The following GLI2 variants were observed in gnomAD, a reference collection of about 807,000 sequenced individuals.
The protein encoded by GLI2 is transcription activator GLI2.
A neutral mutation model predicts 78.9 loss-of-function variants in GLI2; 22 were observed. The ratio of observed to expected loss-of-function variants is 0.28; its 90% CI spans 0.20 to 0.40. The LOEUF (loss-of-function observed/expected upper bound fraction) is 0.40, where lower values mean the gene tolerates loss of function less well. Ranked by LOEUF, GLI2 falls within the 10% of genes least tolerant of loss-of-function variation. The probability of loss-of-function intolerance (pLI) is 1.00; values close to 1 mark genes in which losing one functional copy is unlikely to be tolerated. For missense variants in GLI2, 2,097 were observed against 2,213.2 expected, an observed-to-expected ratio of 0.95 and a Z score of 1.05; for synonymous variants, 974 against 963.7, an observed-to-expected ratio of 1.01 and a Z score of -0.20.
At chr2:120,945,349 A>G (rs1680657656) in intron 3 of GLI2, among the ~76,000 whole-genome samples, 1 of 152,188 alleles carries the variant, frequency 6.6e-6, no homozygotes, top group Non-Finnish European at 1.5e-5. Context: ...ACTTACCCAG[A>G]GTCCCCTGCT....
intron 2 of GLI2, among the ~76,000 whole-genome samples, chr2:120,844,149 G>A (rs185651216): frequency 1.5e-4 from 23 of 152,284 alleles, no homozygotes; most frequent in African/African-American, 5.1e-4. Flanking sequence ...GTCAGCACAC[G>A]TGTCTGTTAA....
chr2:120,990,839 G>A lies in GLI2; in HGVS notation c.*164G>A. 1 of 609,570 alleles carries A rather than the reference G, an allele frequency of 1.6e-6. No homozygotes were observed. The highest frequency in any genetic ancestry group is 2.0e-5 in the South Asian group (1 of 49,692). 37.8% of individuals were successfully genotyped at this position (609,570 alleles called of 1,614,324 possible). A position where few individuals can be genotyped will look rare whatever the true frequency, so the allele number is the denominator to read the frequency against. On this transcript the variant is annotated 3_prime_UTR_variant, in exon 14 of 14. Transcript: ENST00000361492. ...CAGATGTTGTAAGAGAAGGTTTATG[G>A]GCATCCTCTCTGGTCTTTTGGATTA...
intron 1 of GLI2, among the ~76,000 whole-genome samples, chr2:120,739,071 C>T (rs971895617): frequency 3.3e-5 from 5 of 152,054 alleles, no homozygotes; most frequent in African/African-American, 9.7e-5. Flanking sequence ...TGCCTGGCTG[C>T]GGGGGTCTTG....
intron 2 of GLI2, among the ~76,000 whole-genome samples, chr2:120,901,280 C>T (rs558228157): frequency 8.5e-5 from 13 of 152,128 alleles, no homozygotes; most frequent in African/African-American, 2.7e-4. Flanking sequence ...TAAATTATGG[C>T]GGGATCTAAA....
rs957888251 is a variant in GLI2 at position 120,983,811 on chromosome 2, G to A, written c.1633-660G>A. Among the ~76,000 whole-genome samples, 13 of 152,356 alleles carry A rather than the reference G, an allele frequency of 8.5e-5. No individual in the cohort carries two copies. In the South Asian group the frequency reaches 1.2e-3, roughly 15 times the overall value. On this transcript the variant is annotated intron_variant, in intron 11 of 13. Coordinates refer to ENST00000361492, the MANE Select transcript of GLI2 (RefSeq NM_001374353.1). ...GACTTTGCTCCAATGCTTGTAAGAA[G>A]TTAGAGGAATTTTCAAAGGCATCTG...
intron 2 of GLI2, among the ~76,000 whole-genome samples, chr2:120,871,154 C>T (rs1688407700): frequency 6.6e-6 from 1 of 152,266 alleles, no homozygotes; most frequent in South Asian, 2.1e-4. Context: ...GGCTTTAACA[C>T]TGACTCAGGC....
chr2:120,869,528 G>C (rs1384482094), intron 2 of GLI2, among the ~76,000 whole-genome samples: 1 of 152,156 alleles, frequency 6.6e-6, no homozygotes, highest in African/African-American at 2.4e-5. Flanking sequence ...ATGAGCAAAA[G>C]CTACACTCTC....
intron 2 of GLI2, among the ~76,000 whole-genome samples, chr2:120,865,119 C>T (rs555737964): frequency 4.6e-5 from 7 of 152,242 alleles, no homozygotes; most frequent in South Asian, 4.1e-4. Context: ...GGGTAGTATC[C>T]GGGGCTGGGG....
chr2:120,768,831 G>A (rs1196881277), intron 1 of GLI2, among the ~76,000 whole-genome samples: 11 of 151,932 alleles, frequency 7.2e-5, no homozygotes, highest in Middle Eastern at 3.2e-3. Context: ...GTGTGTGTGC[G>A]TGTGTGTGCA....
At chr2:120,929,755 G>A (rs758869084) in intron 3 of GLI2, among the ~76,000 whole-genome samples, 4 of 152,148 alleles carry the variant, frequency 2.6e-5, no homozygotes, top group Non-Finnish European at 5.9e-5. Flanking sequence ...ACTAGGATCC[G>A]CTGCCGCAGC....
intron 2 of GLI2, among the ~76,000 whole-genome samples, chr2:120,891,408 T>C (rs531574091): frequency 2.0e-5 from 3 of 152,274 alleles, no homozygotes; most frequent in East Asian, 1.9e-4. Context: ...TCCTTTTCCA[T>C]GAAATGAAGG....
At chr2:120,769,205 G>A (rs758320473) in intron 1 of GLI2, among the ~76,000 whole-genome samples, 1 of 152,216 alleles carries the variant, frequency 6.6e-6, no homozygotes, top group African/African-American at 2.4e-5. Flanking sequence ...AGCTCCCGCC[G>A]CCAGTGTTGA....
chr2:120,903,336 A>G (rs541922850), intron 2 of GLI2, among the ~76,000 whole-genome samples: 1 of 151,212 alleles, frequency 6.6e-6, no homozygotes, highest in East Asian at 2.0e-4. Flanking sequence ...GGCTTGGGCG[A>G]CAGAGTGAGA....
intron 1 of GLI2, among the ~76,000 whole-genome samples, chr2:120,740,694 T>C (rs1175351040): frequency 1.3e-5 from 2 of 152,250 alleles, no homozygotes; most frequent in African/African-American, 4.8e-5. Flanking sequence ...TTTCACACGT[T>C]CACTTTTGTC....
intron 2 of GLI2, among the ~76,000 whole-genome samples, chr2:120,815,288 A>T (rs1380222202): frequency 6.6e-6 from 1 of 152,212 alleles, no homozygotes; most frequent in Non-Finnish European, 1.5e-5. Context: ...CTCATAAAAA[A>T]ACACAGTGAA....
intron 2 of GLI2, among the ~76,000 whole-genome samples, chr2:120,904,889 G>A (rs763398815): frequency 2.6e-5 from 4 of 152,216 alleles, no homozygotes; most frequent in Non-Finnish European, 5.9e-5. Context: ...GCCCAGCAGA[G>A]AGAAGGGAGG....
intron 2 of GLI2, among the ~76,000 whole-genome samples, chr2:120,914,390 G>T (rs528988880): frequency 7.9e-5 from 12 of 152,356 alleles, no homozygotes; most frequent in Admixed American, 6.5e-4. Context: ...TCTGCAAGGT[G>T]CCAGGGTCCC....
At chr2:120,986,678 T>A in intron 13 of GLI2, 64 bp downstream of exon 13, 1 of 1,320,588 alleles carries the variant, frequency 7.6e-7, no homozygotes, top group Admixed American at 1.7e-5. Flanking sequence ...CCAACTAGGC[T>A]GGCACCCACC....
At chr2:120,972,108 G>A (rs753890331) in intron 8 of GLI2, 45 bp downstream of exon 8, 1 of 1,610,052 alleles carries the variant, frequency 6.2e-7, no homozygotes, top group South Asian at 1.1e-5. Context: ...CTAGGACCAG[G>A]CTTGTGGGCT....
Sources: gnomAD v4.1 joint callset for allele counts (sites outside exome capture counted in the v4.1 genomes callset) on GRCh38, gnomAD v4.1.1 for gene constraint, MANE v1.5 for transcripts, NCBI Gene and HGNC (gene_info 2026-07-23, HGNC 2026-07-21) for gene names.